Variants in GRM8 observed in about 807,000 individuals in gnomAD.
GRM8 encodes the protein metabotropic glutamate receptor 8.
A neutral mutation model predicts 87.2 loss-of-function variants in GRM8; 47 were observed. The observed-to-expected ratio is 0.54, with a 90% confidence interval of 0.43 to 0.69. The LOEUF is 0.69. Ranked by LOEUF, GRM8 falls within the 30% of genes least tolerant of loss-of-function variation. The pLI is 0.00. For missense variants in GRM8, 1,019 were observed against 1,139.2 expected (o/e 0.89, Z 1.52); for synonymous variants, 396 against 404.5 (o/e 0.98, Z 0.25).
chr7:127,187,588 C>A (rs924874080), intron 2 of GRM8, among the ~76,000 whole-genome samples: 1 of 152,156 alleles, frequency 6.6e-6, no homozygotes, highest in African/African-American at 2.4e-5. Context: ...GGCACTAACT[C>A]CTTTGTCACA....
intron 6 of GRM8, among the ~76,000 whole-genome samples, chr7:126,801,981 T>C (rs1375824182): frequency 1.3e-5 from 2 of 152,214 alleles, no homozygotes; most frequent in Admixed American, 6.5e-5. Context: ...AATGTGTCAC[T>C]ATATTACTGA....
At chr7:127,181,914 C>T (rs1475295354) in intron 2 of GRM8, among the ~76,000 whole-genome samples, 4 of 151,998 alleles carry the variant, frequency 2.6e-5, no homozygotes, top group Non-Finnish European at 5.9e-5. Flanking sequence ...TTGGAAAAAC[C>T]CTTCTAGACA....
intron 3 of GRM8, among the ~76,000 whole-genome samples, chr7:127,081,844 G>A (rs577832953): frequency 1.3e-5 from 2 of 152,296 alleles, no homozygotes; most frequent in South Asian, 2.1e-4. Flanking sequence ...AGAGAGAGAA[G>A]CATGGGAGAA....
chr7:127,135,628 A>G (rs1827907301), intron 2 of GRM8, among the ~76,000 whole-genome samples: 1 of 52,764 alleles, frequency 1.9e-5, no homozygotes, highest in South Asian at 6.3e-4. Flanking sequence ...AAAAAAAAAA[A>G]AAAAAAAAAA....
intron 8 of GRM8, among the ~76,000 whole-genome samples, chr7:126,562,988 T>C (rs1562958455): frequency 1.3e-5 from 2 of 152,214 alleles, no homozygotes; most frequent in South Asian, 4.1e-4. Flanking sequence ...TATGGTTAAC[T>C]AATTATTATA....
At chr7:126,984,454 G>A (rs941988758) in intron 3 of GRM8, among the ~76,000 whole-genome samples, 4 of 152,158 alleles carry the variant, frequency 2.6e-5, no homozygotes, top group Non-Finnish European at 4.4e-5. Flanking sequence ...AGAATATAAA[G>A]TGGGCAGAAA....
intron 6 of GRM8, among the ~76,000 whole-genome samples, chr7:126,783,352 T>C (rs925721605): frequency 2.0e-5 from 3 of 152,212 alleles, no homozygotes; most frequent in Admixed American, 1.3e-4. Flanking sequence ...ATAATCCCAA[T>C]TAGCTCTCCA....
At chr7:127,100,131 T>A (rs1427226184) in intron 3 of GRM8, among the ~76,000 whole-genome samples, 1 of 152,132 alleles carries the variant, frequency 6.6e-6, no homozygotes, top group Non-Finnish European at 1.5e-5. Flanking sequence ...TTATTTCTAG[T>A]CTCCAGAACT....
At chr7:126,474,990 A>G (rs1242078287) in intron 9 of GRM8, among the ~76,000 whole-genome samples, 1 of 152,196 alleles carries the variant, frequency 6.6e-6, no homozygotes, top group Non-Finnish European at 1.5e-5. Context: ...TCAACATAAC[A>G]AATGCCATAT....
chr7:126,833,417 G>C (rs1393236082), intron 6 of GRM8, among the ~76,000 whole-genome samples: 1 of 152,190 alleles, frequency 6.6e-6, no homozygotes, highest in African/African-American at 2.4e-5. Context: ...AGTTATCTTA[G>C]TTTGTTCAGT....
At chr7:126,527,550 T>C (rs1814055084) in intron 9 of GRM8, among the ~76,000 whole-genome samples, 1 of 152,220 alleles carries the variant, frequency 6.6e-6, no homozygotes, top group Admixed American at 6.5e-5. Context: ...GTTTGATCTA[T>C]TCTGCAAATC....
intron 7 of GRM8, among the ~76,000 whole-genome samples, chr7:126,747,486 G>C (rs1160810410): frequency 2.0e-5 from 3 of 151,928 alleles, no homozygotes; most frequent in Non-Finnish European, 2.9e-5. Flanking sequence ...CAATCCATTT[G>C]ATGGTGACTT....
At chr7:126,708,572 A>G (rs1348627844) in intron 7 of GRM8, among the ~76,000 whole-genome samples, 1 of 150,720 alleles carries the variant, frequency 6.6e-6, no homozygotes, top group African/African-American at 2.4e-5. Flanking sequence ...TATAGATTAT[A>G]TATCACATAG....
chr7:127,115,791 G>C (rs1826666342), intron 2 of GRM8, among the ~76,000 whole-genome samples: 1 of 152,126 alleles, frequency 6.6e-6, no homozygotes, highest in Non-Finnish European at 1.5e-5. Context: ...AGTTTTACTA[G>C]CAAGTTGGAT....
At chr7:127,202,232 T>G (rs761561851) in intron 2 of GRM8, among the ~76,000 whole-genome samples, 3 of 145,784 alleles carry the variant, frequency 2.1e-5, no homozygotes, top group Non-Finnish European at 4.6e-5. Context: ...CAGGCTGCAG[T>G]ATAGTGATGC....
At chr7:127,001,145 C>T (rs1813695273) in intron 3 of GRM8, among the ~76,000 whole-genome samples, 1 of 151,338 alleles carries the variant, frequency 6.6e-6, no homozygotes, top group Non-Finnish European at 1.5e-5. Flanking sequence ...TGACAAAGTG[C>T]CAAGATAATT....
At chr7:127,196,610 A>T (rs1455346587) in intron 2 of GRM8, among the ~76,000 whole-genome samples, 3 of 152,024 alleles carry the variant, frequency 2.0e-5, no homozygotes, top group Non-Finnish European at 4.4e-5. Context: ...TATTCTGCAC[A>T]TGCTTCCACA....
chr7:126,952,289 T>C (rs1466299406), intron 3 of GRM8, among the ~76,000 whole-genome samples: 1 of 151,990 alleles, frequency 6.6e-6, no homozygotes, highest in Non-Finnish European at 1.5e-5. Context: ...TTCATACACA[T>C]GGATATAAAT....
intron 2 of GRM8, among the ~76,000 whole-genome samples, chr7:127,143,929 T>C (rs1051092116): frequency 2.4e-4 from 37 of 152,226 alleles, no homozygotes; most frequent in African/African-American, 4.3e-4. Flanking sequence ...AAAAATATTT[T>C]GATATCTCTT....
Sources: gnomAD v4.1 joint callset for allele counts (sites outside exome capture counted in the v4.1 genomes callset) on GRCh38, gnomAD v4.1.1 for gene constraint, MANE v1.5 for transcripts, NCBI Gene and HGNC (gene_info 2026-07-23, HGNC 2026-07-21) for gene names.